TECPR2: variants seen among roughly 807,000 people sequenced by gnomAD.
The protein encoded by TECPR2 is tectonin beta-propeller repeat-containing protein 2.
Under a neutral mutation model 138.1 loss-of-function variants are expected in TECPR2, and 65 were observed. That is an observed-to-expected ratio of 0.47 (90% CI 0.39 to 0.58). The LOEUF (loss-of-function observed/expected upper bound fraction) is 0.58. Among genes scored for constraint, TECPR2 ranks in the 20% least tolerant of loss-of-function variants. TECPR2 has a pLI of 0.00. For synonymous variants in TECPR2, 746 were observed against 749.8 expected (o/e 0.99, Z 0.08); for missense variants, 1,553 against 1,824.5 (o/e 0.85, Z 2.71).
At chr14:102,463,104 T>G (rs114427669) in intron 16 of TECPR2, among the ~76,000 whole-genome samples, 1 of 152,184 alleles carries the variant, frequency 6.6e-6, no homozygotes, top group Non-Finnish European at 1.5e-5. Context: ...AGGATCTCCA[T>G]TGGGGAAACT....
intron 4 of TECPR2, among the ~76,000 whole-genome samples, chr14:102,411,138 CTA>C (rs1888840730): frequency 6.6e-6 from 1 of 152,220 alleles, no homozygotes; most frequent in Non-Finnish European, 1.5e-5. Flanking sequence ...CTCTCCCACT[CTA>C]TGTTCCCACG....
chr14:102,363,054 G>T lies in TECPR2; in HGVS notation c.-135G>T. ...AGGCTCCCGGCAGCCCCCGCGGCCC[G>T]GAGTCCATCCCGCCTCCTCCGGCCC... On this transcript the variant is annotated 5_prime_UTR_variant, in exon 1 of 20. Transcript: ENST00000359520. The T allele has an allele frequency of 1.7e-6, 1 of 593,612 alleles. No individual in the cohort carries two copies. 36.8% of individuals were successfully genotyped at this position (593,612 alleles called of 1,614,324 possible). A position where few individuals can be genotyped will look rare whatever the true frequency, so the allele number is the denominator to read the frequency against.
At chr14:102,378,993 G>A (rs1887714085) in intron 2 of TECPR2, among the ~76,000 whole-genome samples, 1 of 152,102 alleles carries the variant, frequency 6.6e-6, no homozygotes, top group African/African-American at 2.4e-5. Flanking sequence ...ATAGCTCATG[G>A]ATTCGACTGA....
chr14:102,423,675 C>T (rs1424330820), intron 5 of TECPR2, among the ~76,000 whole-genome samples: 2 of 152,082 alleles, frequency 1.3e-5, no homozygotes, highest in Admixed American at 6.6e-5. Context: ...GAAGACATCG[C>T]CTAATGACAT....
intron 2 of TECPR2, among the ~76,000 whole-genome samples, chr14:102,381,006 G>T (rs1204583838): frequency 6.9e-6 from 1 of 144,100 alleles, no homozygotes; most frequent in African/African-American, 2.6e-5. Context: ...GCAGAGTTTC[G>T]CTCTTGTTGC....
In TECPR2 at chr14:102,497,717, C is replaced by A; in HGVS notation, c.4079C>A (p.Thr1360Lys). The A allele has an allele frequency of 6.2e-7, 1 of 1,601,860 alleles. No individual in the cohort carries two copies. The highest frequency in any genetic ancestry group is 8.5e-7 in the Non-Finnish European group (1 of 1,172,850). The change falls in exon 19 of 20, where the codon ACA (threonine) becomes AAA (lysine). Residue 1360 changes from threonine (T) to lysine (K), a missense_variant and splice_region_variant. Coordinates refer to ENST00000359520, the MANE Select transcript of TECPR2 (RefSeq NM_014844.5). ...ATTCCCGGCAGCGTGTCGTGTTTCACAGGCAGGTGCCCGGGGCCAGTGGGC... is the reference window on the plus strand; with the variant it reads ...ATTCCCGGCAGCGTGTCGTGTTTCAAAGGCAGGTGCCCGGGGCCAGTGGGC... The part of the protein sequence containing the change: ...KKIPGSVSCF[T>K]VTASDELWAV...
intron 2 of TECPR2, among the ~76,000 whole-genome samples, chr14:102,389,986 TA>T (rs1567320499): frequency 6.6e-6 from 1 of 152,244 alleles, no homozygotes; most frequent in African/African-American, 2.4e-5. Context: ...GAAAATAGTG[TA>T]ACCATTCTTA....
At chr14:102,480,848 T>G (rs929046020) in intron 17 of TECPR2, among the ~76,000 whole-genome samples, 4 of 122,060 alleles carry the variant, frequency 3.3e-5, no homozygotes, top group Non-Finnish European at 6.7e-5. Context: ...TGGGTTTTTT[T>G]TTTTTTTTTT....
Position 102,384,195 on chromosome 14 carries a change from G to A in TECPR2, c.219+7255G>A, listed in dbSNP as rs764315757. The stretch of plus-strand genomic sequence containing the variant: ...CGGCCTCCCAAAGTGCTGGGATTAC[G>A]GGTGTGAGCCACTGCATCCGGCCGG... On this transcript the variant is annotated intron_variant, in intron 2 of 19. Coordinates refer to ENST00000359520, the MANE Select transcript of TECPR2 (RefSeq NM_014844.5). 7.2e-5 allele frequency among the ~76,000 whole-genome samples: 11 copies of A among 151,836 alleles called. No individual in the cohort carries two copies. In the East Asian group the frequency reaches 7.8e-4, roughly 11 times the overall value.
Position 102,432,057 on chromosome 14 carries a change from C to G in TECPR2, c.1346C>G (p.Ser449Ter). Residue 449 changes from serine to a stop codon, truncating the protein, a stop_gained, in exon 8 of 20, where the codon TCA (serine) becomes TGA (stop). Coordinates refer to ENST00000359520, the MANE Select transcript of TECPR2 (RefSeq NM_014844.5). LOFTEE classifies it high-confidence loss of function. ...PLSQRFNAIS[S>*]EDFDQELVVK... Reference sequence around the variant, plus strand: ...TCACAGAGATTCAACGCCATCAGCTCAGAGGACTTTGACCAGGAGCTTGTC... The same window carrying G: ...TCACAGAGATTCAACGCCATCAGCTGAGAGGACTTTGACCAGGAGCTTGTC... 1 of 1,612,366 alleles carries G rather than the reference C, an allele frequency of 6.2e-7. No homozygotes were observed. Among genetic ancestry groups the G allele is most frequent in the Non-Finnish European group, 8.5e-7 (1 of 1,179,586 alleles).
chr14:102,450,532 A>C, intron 14 of TECPR2, 28 bp from the exon 15 acceptor site: 2 of 1,610,508 alleles, frequency 1.2e-6, no homozygotes. Flanking sequence ...TCTTTCTTTA[A>C]CACATTCTTC....
intron 4 of TECPR2, among the ~76,000 whole-genome samples, chr14:102,410,477 AAAAATAAAAAAT>A (rs1176866749): frequency 2.9e-5 from 2 of 69,764 alleles, no homozygotes; most frequent in Admixed American, 1.3e-4. Flanking sequence ...AATTAAAAAA[AAAAATAAAAAAT>A]AAAAAATAAA....
intron 2 of TECPR2, among the ~76,000 whole-genome samples, chr14:102,400,323 G>A (rs886408618): frequency 2.0e-5 from 3 of 152,112 alleles, no homozygotes; most frequent in African/African-American, 7.2e-5. Context: ...GGGATTATAG[G>A]CGTGAGCCAC....
chr14:102,379,726 G>T (rs1411560595), intron 2 of TECPR2, among the ~76,000 whole-genome samples: 1 of 131,404 alleles, frequency 7.6e-6, no homozygotes, highest in Non-Finnish European at 1.7e-5. Flanking sequence ...CATGCACAGA[G>T]GCATCTTAGT....
intron 7 of TECPR2, among the ~76,000 whole-genome samples, chr14:102,431,492 G>A (rs900937191): frequency 2.0e-5 from 3 of 151,940 alleles, no homozygotes; most frequent in Admixed American, 6.6e-5. Context: ...CCCGGCGCCC[G>A]CCACCATGCC....
chr14:102,492,752 C>T (rs1362993288), intron 17 of TECPR2, among the ~76,000 whole-genome samples: 2 of 152,162 alleles, frequency 1.3e-5, no homozygotes, highest in East Asian at 1.9e-4. Flanking sequence ...AGGTGAGCAA[C>T]GCGTGAGGGG....
At chr14:102,491,251 T>C (rs1291103220) in intron 17 of TECPR2, among the ~76,000 whole-genome samples, 1 of 152,236 alleles carries the variant, frequency 6.6e-6, no homozygotes, top group Non-Finnish European at 1.5e-5. Context: ...GGTCTTGCTC[T>C]GTTGCCCAAG....
At chr14:102,491,186 G>T (rs550260989) in intron 17 of TECPR2, among the ~76,000 whole-genome samples, 1 of 151,998 alleles carries the variant, frequency 6.6e-6, no homozygotes, top group Non-Finnish European at 1.5e-5. Flanking sequence ...GAGCCACCGC[G>T]CTCAGCCCAC....
chr14:102,497,127 G>T lies in TECPR2; in HGVS notation c.3931+7G>T, dbSNP rs1475688517. 1 of 1,609,318 alleles carries T rather than the reference G, an allele frequency of 6.2e-7. No homozygotes were observed. ...GCCTGGGAGCATGTGCCAGGTAGGA[G>T]CCTGCAGACAGGGCCTGTGGTGCCG... On this transcript the variant is annotated splice_region_variant and intron_variant, in intron 18 of 19. Transcript: ENST00000359520.
Sources: allele counts gnomAD v4.1 joint callset (sites outside exome capture counted in the v4.1 genomes callset), GRCh38; gene constraint gnomAD v4.1.1; transcripts MANE v1.5; gene names NCBI Gene and HGNC (gene_info 2026-07-23, HGNC 2026-07-21).